Variants in MSR1 observed in about 807,000 individuals in gnomAD.
MSR1 encodes macrophage scavenger receptor types I and II.
MSR1 carries 53 observed loss-of-function variants against 47.2 expected under a neutral mutation model. The observed-to-expected ratio is 1.12, with a 90% CI of 0.90 to 1.41. MSR1 has a LOEUF of 1.41. MSR1 is among the 40% of genes most tolerant of loss of function. MSR1 has a pLI of 0.00. For missense variants in MSR1, 786 were observed against 546.9 expected, an observed-to-expected ratio of 1.44 and a Z score of -4.36; for synonymous variants, 239 against 185.6, an observed-to-expected ratio of 1.29 and a Z score of -2.34.
intron 8 of MSR1, among the ~76,000 whole-genome samples, chr8:16,121,952 T>A (rs1412369399): frequency 6.6e-6 from 1 of 152,058 alleles, no homozygotes. Flanking sequence ...TGCTTATTAC[T>A]GTTTTAACAG....
In MSR1 at chr8:16,175,208, G is replaced by T. The variant is rs1324468721; in HGVS notation, c.196C>A (p.Pro66Thr). 6.2e-7 allele frequency: 1 copy of T among 1,613,904 alleles called. No individual in the cohort carries two copies. Among genetic ancestry groups the T allele is most frequent in the Non-Finnish European group, 8.5e-7 (1 of 1,179,920 alleles). Reference sequence around the variant, plus strand: ...TTACCTGCCACTATTCCAATGAGAGGGATGAGAACTGCAAACACGAGGAGG... The same window carrying T: ...TTACCTGCCACTATTCCAATGAGAGTGATGAGAACTGCAAACACGAGGAGG... ...LYLLVFAVLIPLIGIVAAQLL... is the reference protein window; with the variant it reads ...LYLLVFAVLITLIGIVAAQLL... The change falls in exon 3 of 10, where the codon CCT (proline) becomes ACT (threonine). Residue 66 changes from proline to threonine, a missense_variant. By Grantham distance (38) the Pro-to-Thr change is conservative. Transcript: ENST00000262101.
chr8:16,170,779 A>G (rs1801462430), intron 3 of MSR1, among the ~76,000 whole-genome samples: 1 of 152,146 alleles, frequency 6.6e-6, no homozygotes, highest in Non-Finnish European at 1.5e-5. Context: ...GAATCTTCCT[A>G]CACTCCTCCA....
intron 7 of MSR1, among the ~76,000 whole-genome samples, chr8:16,147,631 C>T (rs926135441): frequency 2.6e-5 from 4 of 152,192 alleles, no homozygotes; most frequent in East Asian, 1.9e-4. Context: ...TGACAATTAT[C>T]GGACTTATTT....
intron 2 of MSR1, 122 bp from the exon 3 acceptor site, chr8:16,175,422 A>C (rs12541118): frequency 0.079 from 67,501 of 857,112 alleles, 5,245 homozygotes; most frequent in East Asian, 0.36. Context: ...AAGAAGAAAA[A>C]ATGTTCCACA....
chr8:16,150,294 C>T lies in MSR1; in HGVS notation c.916G>A (p.Gly306Ser). The T allele has an allele frequency of 6.3e-7, 1 of 1,576,430 alleles. No individual in the cohort carries two copies. The highest frequency in any genetic ancestry group is 8.6e-7 in the Non-Finnish European group (1 of 1,158,626). The change falls in exon 7 of 10, where the codon GGT becomes AGT. Residue 306 changes from glycine (G) to serine (S), a missense_variant. Physicochemically the swap from Gly to Ser is moderately conservative, Grantham distance 56. Transcript: ENST00000262101. ...PGPIGPPGLKGDRGAIGFPGS... is the reference protein window; with the variant it reads ...PGPIGPPGLKSDRGAIGFPGS... Reference sequence around the variant, plus strand: ...GGAAAGCCAATTGCTCCCCGATCACCTTTAAGACCCGGAGGACCTACATTA... The same window carrying T: ...GGAAAGCCAATTGCTCCCCGATCACTTTTAAGACCCGGAGGACCTACATTA...
At chr8:16,151,975 T>C (rs1800873530) in intron 6 of MSR1, among the ~76,000 whole-genome samples, 1 of 152,136 alleles carries the variant, frequency 6.6e-6, no homozygotes, top group Non-Finnish European at 1.5e-5. Context: ...TGTTTCTGCA[T>C]CATCAGGCTG....
intron 1 of MSR1, among the ~76,000 whole-genome samples, chr8:16,189,276 A>ATATAAAATCTTATTTATATTTCAT (rs1563175337): frequency 1.9e-4 from 24 of 128,000 alleles, no homozygotes; most frequent in African/African-American, 7.3e-4. Flanking sequence ...TTATATTTCA[A>ATATAAAATCTTATTTATATTTCAT]ATATATAAAA....
chr8:16,109,827 C>T lies in MSR1; in HGVS notation c.*258G>A, dbSNP rs1013279500. 3 of 471,428 alleles carry T rather than the reference C, an allele frequency of 6.4e-6. No homozygotes were observed. Among genetic ancestry groups the T allele is most frequent in the African/African-American group, 3.9e-5 (2 of 51,244 alleles). 29.2% of individuals were successfully genotyped at this position (471,428 alleles called of 1,614,324 possible). A position where few individuals can be genotyped will look rare whatever the true frequency, so the allele number is the denominator to read the frequency against. On this transcript the variant is annotated 3_prime_UTR_variant, in exon 10 of 10. Coordinates refer to ENST00000262101, the MANE Select transcript of MSR1 (RefSeq NM_138715.3). ...GCCTTTGTAATCTGGAAGCTATAAA[C>T]TTCAAAATGTTCAATTCAGCATATA... is the stretch of plus-strand genomic sequence containing the variant.
chr8:16,150,800 C>T (rs1358042537), intron 6 of MSR1, among the ~76,000 whole-genome samples: 3 of 151,262 alleles, frequency 2.0e-5, no homozygotes, highest in African/African-American at 7.3e-5. Context: ...CTATCATGGA[C>T]CTGTTCTTAC....
At position 16,155,084 on chromosome 8, in the gene MSR1, C is replaced by T. The variant is rs370472553; in HGVS notation, c.878G>A (p.Arg293Gln). 18 of 1,611,922 alleles carry T rather than the reference C, an allele frequency of 1.1e-5. No individual in the cohort carries two copies. Among genetic ancestry groups the T allele is most frequent in the Admixed American group, 6.7e-5 (4 of 59,786 alleles). The change falls in exon 6 of 10, where the codon CGA (arginine) becomes CAA (glutamine). Residue 293 changes from arginine (R) to glutamine (Q), a missense_variant. Physicochemically the swap from Arg to Gln is conservative, Grantham distance 43. Transcript: ENST00000262101. ...CATACCTATTGGACCTGGAAATCCTCGTGGACCACTTTCTCCAGTGGGACC... is the reference window on the plus strand; with the variant it reads ...CATACCTATTGGACCTGGAAATCCTTGTGGACCACTTTCTCCAGTGGGACC... ...DRGPTGESGP[R>Q]GFPGPIGPPG...
intron 2 of MSR1, 87 bp downstream of exon 2, chr8:16,177,799 T>G: frequency 2.0e-6 from 2 of 1,023,526 alleles, no homozygotes; most frequent in Non-Finnish European, 3.0e-6. Context: ...CCACTTACAT[T>G]TAAGGTAAGT....
intron 8 of MSR1, among the ~76,000 whole-genome samples, chr8:16,123,266 C>T (rs546516150): frequency 6.6e-6 from 1 of 152,076 alleles, no homozygotes; most frequent in African/African-American, 2.4e-5. Flanking sequence ...GATCCTTGAC[C>T]ATCTCTGAAG....
chr8:16,140,924 G>A, intron 8 of MSR1: 2 of 1,612,740 alleles, frequency 1.2e-6, no homozygotes, highest in East Asian at 2.2e-5. Context: ...GAAGTCAGTT[G>A]TGCAGATGAC....
chr8:16,136,112 T>G (rs1231899175), intron 8 of MSR1, among the ~76,000 whole-genome samples: 1 of 152,124 alleles, frequency 6.6e-6, no homozygotes, highest in African/African-American at 2.4e-5. Context: ...AGCAGCAGAG[T>G]ATGAGAAGAC....
chr8:16,125,037 G>GA (rs144781342), intron 8 of MSR1, among the ~76,000 whole-genome samples: 5,261 of 152,064 alleles, frequency 0.035, 144 homozygotes, highest in Middle Eastern at 0.086. Context: ...TGTTTTTATG[G>GA]AAAAAAACCC....
chr8:16,119,870 CTTTTTTT>C (rs35520763), intron 9 of MSR1, among the ~76,000 whole-genome samples: 1 of 95,680 alleles, frequency 1.0e-5, no homozygotes, highest in Non-Finnish European at 2.0e-5. Context: ...TCACGCCTGG[CTTTTTTT>C]TTTTTTTTTT....
intron 8 of MSR1, among the ~76,000 whole-genome samples, chr8:16,142,424 A>G (rs1467522958): frequency 6.6e-6 from 1 of 152,154 alleles, no homozygotes; most frequent in Non-Finnish European, 1.5e-5. Flanking sequence ...GAGAAAAGAC[A>G]GACAGATTAA....
In MSR1 at chr8:16,155,131, G is replaced by A. The variant is rs779570868; in HGVS notation, c.831C>T (p.Pro277=). 3.1e-6 allele frequency: 5 copies of A among 1,611,482 alleles called. No homozygotes were observed. Among genetic ancestry groups the A allele is most frequent in the East Asian group, 2.2e-5 (1 of 44,790 alleles). ...NITLIQGPPG[P]PGEKGDRGPT... Reference sequence around the variant, plus strand: ...GACCTCGATCTCCTTTTTCACCCGGGGGTCCAGGAGGACCTTTAAAAAAAT... The same window carrying A: ...GACCTCGATCTCCTTTTTCACCCGGAGGTCCAGGAGGACCTTTAAAAAAAT... Residue 277 remains proline (P), a synonymous_variant, in exon 6 of 10, where the codon CCC becomes CCT. Coordinates refer to ENST00000262101, the MANE Select transcript of MSR1 (RefSeq NM_138715.3).
intron 9 of MSR1, among the ~76,000 whole-genome samples, 184 bp downstream of exon 9, chr8:16,120,234 G>A (rs1340398542): frequency 1.3e-5 from 2 of 151,692 alleles, no homozygotes; most frequent in African/African-American, 4.8e-5. Context: ...AAAATGAGCC[G>A]GGTGTGGTGG....
Sources: allele counts gnomAD v4.1 joint callset (sites outside exome capture counted in the v4.1 genomes callset), GRCh38; gene constraint gnomAD v4.1.1; transcripts MANE v1.5; gene names NCBI Gene and HGNC (gene_info 2026-07-23, HGNC 2026-07-21).